The following WASF3 variants were observed in gnomAD, a reference collection of about 807,000 sequenced individuals.
WASF3 encodes WASP family member 3.
Under a neutral mutation model 46.6 loss-of-function variants are expected in WASF3, and 11 were observed. The observed-to-expected ratio is 0.24, with a 90% CI of 0.15 to 0.39. WASF3 has a LOEUF of 0.39. WASF3 is among the 10% of genes least tolerant of loss of function. The probability of loss-of-function intolerance (pLI) is 1.00; values close to 1 mark genes in which losing one functional copy is unlikely to be tolerated. For synonymous variants in WASF3, 242 were observed against 259.7 expected, an observed-to-expected ratio of 0.93 and a Z score of 0.65; for missense variants, 576 against 669.8, an observed-to-expected ratio of 0.86 and a Z score of 1.55.
chr13:26,657,207 T>C (rs1172426716), intron 3 of WASF3, among the ~76,000 whole-genome samples: 2 of 152,240 alleles, frequency 1.3e-5, no homozygotes, highest in Non-Finnish European at 2.9e-5. Flanking sequence ...ACTCAAGGAC[T>C]GAGAGCAGCC....
intron 1 of WASF3, chr13:26,606,858 AC>A (rs1880815666): frequency 6.6e-6 from 1 of 152,152 alleles, no homozygotes; most frequent in Admixed American, 6.5e-5. Context: ...GGTTTCACTT[AC>A]CGCAGTTTCA....
At chr13:26,603,427 T>C (rs1488925712) in intron 1 of WASF3, among the ~76,000 whole-genome samples, 1 of 152,108 alleles carries the variant, frequency 6.6e-6, no homozygotes. Flanking sequence ...GAGCAGGTGC[T>C]CAGGAGGCAA....
intron 1 of WASF3, among the ~76,000 whole-genome samples, chr13:26,591,414 G>T (rs1880289463): frequency 6.6e-6 from 1 of 152,126 alleles, no homozygotes. Flanking sequence ...AGCAGTTGAG[G>T]TGGGGGAAGC....
chr13:26,593,400 T>G (rs1361174796), intron 1 of WASF3, among the ~76,000 whole-genome samples: 1 of 152,220 alleles, frequency 6.6e-6, no homozygotes, highest in Non-Finnish European at 1.5e-5. Context: ...GTGTCCACTC[T>G]GTTTATAATT....
rs746777629 is a variant in WASF3 at position 26,685,737 on chromosome 13, G to T, written c.1401G>T (p.Arg467=). 5 of 1,614,100 alleles carry T rather than the reference G, an allele frequency of 3.1e-6. No homozygotes were observed. The highest frequency in any genetic ancestry group is 4.2e-6 in the Non-Finnish European group (5 of 1,180,054). The change falls in exon 10 of 10, where the codon CGG becomes CGT. Residue 467 remains arginine (R), a synonymous_variant. Transcript: ENST00000335327. The part of the protein sequence containing the change: ...VQEQREQEAK[R]EPVGNDVATI... Reference sequence around the variant, plus strand: ...AGCAGCGGGAGCAGGAGGCCAAGCGGGAGCCAGTGGGGAATGACGTGGCCA... The same window carrying T: ...AGCAGCGGGAGCAGGAGGCCAAGCGTGAGCCAGTGGGGAATGACGTGGCCA...
At chr13:26,683,570 C>T (rs1883309946) in intron 9 of WASF3, among the ~76,000 whole-genome samples, 1 of 151,718 alleles carries the variant, frequency 6.6e-6, no homozygotes, top group South Asian at 2.1e-4. Flanking sequence ...TGGATCTCTT[C>T]TCTGCATTCT....
In WASF3 at chr13:26,602,523, A is replaced by G. The variant is rs377540547; in HGVS notation, c.-108-10438A>G. ...TTTGACTAGAGGCTCAGGAGCTTTG[A>G]ATGTAGACATGTTGTAAAAATGGTA... On this transcript the variant is annotated intron_variant, in intron 1 of 9. Transcript: ENST00000335327. Among the ~76,000 whole-genome samples the G allele has an allele frequency of 1.1e-4, 16 of 152,302 alleles. No individual in the cohort carries two copies. The South Asian group carries it at 3.1e-3, about 30-fold the overall frequency.
intron 1 of WASF3, among the ~76,000 whole-genome samples, chr13:26,610,254 G>A (rs1294351652): frequency 1.3e-5 from 2 of 152,100 alleles, no homozygotes; most frequent in Non-Finnish European, 2.9e-5. Context: ...CTGAATTATG[G>A]CTTAAATTCA....
intron 2 of WASF3, among the ~76,000 whole-genome samples, chr13:26,616,508 TCAGA>T: frequency 1.3e-5 from 2 of 152,222 alleles, no homozygotes; most frequent in Non-Finnish European, 2.9e-5. Flanking sequence ...CAGATCTTTA[TCAGA>T]TATATGATTT....
At chr13:26,634,961 T>G (rs1316821743) in intron 2 of WASF3, among the ~76,000 whole-genome samples, 1 of 152,204 alleles carries the variant, frequency 6.6e-6, no homozygotes, top group Non-Finnish European at 1.5e-5. Context: ...GACAATTATG[T>G]GTCTTGGGGT....
chr13:26,657,615 G>A (rs796529831), intron 3 of WASF3, among the ~76,000 whole-genome samples: 6 of 152,288 alleles, frequency 3.9e-5, no homozygotes, highest in African/African-American at 1.4e-4. Flanking sequence ...TCAACCTGAT[G>A]TATTTGGACA....
At chr13:26,545,205 C>G in the WASF3 span, among the ~76,000 whole-genome samples, 1 of 152,180 alleles carries the variant, frequency 6.6e-6, no homozygotes, top group African/African-American at 2.4e-5. Flanking sequence ...TTCTTTCACT[C>G]CCTTCCACTG....
At chr13:26,620,758 T>C (rs1273136020) in intron 2 of WASF3, 1 of 152,208 alleles carries the variant, frequency 6.6e-6, no homozygotes. Flanking sequence ...TGACCTAGAC[T>C]TCAAATCCCT....
In WASF3 at chr13:26,667,537, A is replaced by C; in HGVS notation, c.289A>C (p.Met97Leu). The C allele has an allele frequency of 6.2e-7, 1 of 1,614,102 alleles. No homozygotes were observed. The highest frequency in any genetic ancestry group is 8.5e-7 in the Non-Finnish European group (1 of 1,180,006). ...AATAGTCTCACTACAGGATATCAAC[A>C]TGAAAAAAGCTTTCAAAAGTTCCAC... ...VEEVSLQDIN[M>L]KKAFKSSTVQ... The change falls in exon 5 of 10, where the codon ATG becomes CTG. Residue 97 changes from methionine (M) to leucine (L), a missense_variant. Transcript: ENST00000335327.
At chr13:26,625,438 T>C (rs1315862696) in intron 2 of WASF3, among the ~76,000 whole-genome samples, 1 of 151,912 alleles carries the variant, frequency 6.6e-6, no homozygotes, top group African/African-American at 2.4e-5. Context: ...GGACCTGGGA[T>C]TGGGAAGGTG....
chr13:26,681,957 G>T (rs539804484), intron 8 of WASF3, among the ~76,000 whole-genome samples: 1 of 152,150 alleles, frequency 6.6e-6, no homozygotes, highest in South Asian at 2.1e-4. Context: ...CTGCTAACAC[G>T]TGTCTGCACA....
the WASF3 span, among the ~76,000 whole-genome samples, chr13:26,539,195 T>C: frequency 2.0e-3 from 308 of 152,252 alleles, 1 homozygote; most frequent in African/African-American, 7.1e-3. Context: ...AAATATCAAA[T>C]TGAGCCTGGA....
chr13:26,619,132 A>G (rs1466597657), intron 2 of WASF3: 3 of 152,174 alleles, frequency 2.0e-5, no homozygotes, highest in South Asian at 4.1e-4. Flanking sequence ...TCCATTTCAA[A>G]TTATATAATT....
intron 3 of WASF3, among the ~76,000 whole-genome samples, chr13:26,644,160 C>T (rs2137415497): frequency 6.6e-6 from 1 of 152,262 alleles, no homozygotes; most frequent in Non-Finnish European, 1.5e-5. Flanking sequence ...GGCCATGAGC[C>T]AAGGAATGCA....
Sources: gnomAD v4.1 joint callset for allele counts (sites outside exome capture counted in the v4.1 genomes callset) on GRCh38, gnomAD v4.1.1 for gene constraint, MANE v1.5 for transcripts, NCBI Gene and HGNC (gene_info 2026-07-23, HGNC 2026-07-21) for gene names.